The following CTNNA2 variants were observed in gnomAD, a reference collection of about 807,000 sequenced individuals.
CTNNA2 encodes catenin alpha-2.
In CTNNA2, 42 loss-of-function variants were observed where a neutral mutation model predicts 101.0. The observed-to-expected ratio is 0.42, with a 90% CI of 0.32 to 0.54. The LOEUF is 0.54. Among genes scored for constraint, CTNNA2 ranks in the 20% least tolerant of loss-of-function variants. The probability of loss-of-function intolerance (pLI) is 0.14; values close to 1 mark genes in which losing one functional copy is unlikely to be tolerated. For synonymous variants in CTNNA2, 450 were observed against 456.4 expected (o/e 0.99, Z 0.18); for missense variants, 871 against 1,223.1 (o/e 0.71, Z 4.29).
chr2:79,772,744 G>A (rs1227563787), intron 3 of CTNNA2, among the ~76,000 whole-genome samples: 2 of 152,034 alleles, frequency 1.3e-5, no homozygotes, highest in Non-Finnish European at 2.9e-5. Flanking sequence ...TAAAAAAAAT[G>A]TGTAGAGACA....
At chr2:79,339,184 T>G (rs1677074180) in intron 3 of CTNNA2, among the ~76,000 whole-genome samples, 1 of 152,022 alleles carries the variant, frequency 6.6e-6, no homozygotes, top group African/African-American at 2.4e-5. Flanking sequence ...ATAAAAAACA[T>G]GGATACAAAA....
chr2:79,425,372 G>T (rs1678582112), intron 4 of CTNNA2, among the ~76,000 whole-genome samples: 1 of 152,138 alleles, frequency 6.6e-6, no homozygotes, highest in Admixed American at 6.6e-5. Flanking sequence ...CATTTGTGCT[G>T]CTATAAGAAA....
chr2:80,457,279 G>A (rs934947628), intron 9 of CTNNA2, among the ~76,000 whole-genome samples: 3 of 151,984 alleles, frequency 2.0e-5, no homozygotes, highest in Non-Finnish European at 4.4e-5. Flanking sequence ...GGCAAGGCTG[G>A]TTTCAAACTC....
At chr2:80,537,744 C>T (rs1471921456) in intron 9 of CTNNA2, among the ~76,000 whole-genome samples, 1 of 152,118 alleles carries the variant, frequency 6.6e-6, no homozygotes, top group Non-Finnish European at 1.5e-5. Context: ...CAGGCATGTG[C>T]CACCACACCT....
chr2:79,954,431 G>A (rs1004197539), intron 7 of CTNNA2, among the ~76,000 whole-genome samples: 3 of 152,128 alleles, frequency 2.0e-5, no homozygotes, highest in African/African-American at 7.2e-5. Context: ...GTCTTCTCTT[G>A]TTTCACTCCT....
chr2:80,527,437 G>C (rs1380975511), intron 9 of CTNNA2, among the ~76,000 whole-genome samples: 1 of 152,172 alleles, frequency 6.6e-6, no homozygotes, highest in African/African-American at 2.4e-5. Flanking sequence ...CCGGGGTGAG[G>C]CCTGAGAATT....
intron 15 of CTNNA2, among the ~76,000 whole-genome samples, chr2:80,598,681 A>G (rs1174440738): frequency 1.3e-5 from 2 of 152,202 alleles, no homozygotes; most frequent in African/African-American, 2.4e-5. Context: ...ACTATGTTAC[A>G]TCTATGCCAC....
rs1684238591 is a variant in CTNNA2 at position 79,890,716 on chromosome 2, T to A, written c.852+16374T>A. Among the ~76,000 whole-genome samples the A allele has an allele frequency of 2.0e-5, 3 of 151,104 alleles. No individual in the cohort carries two copies. In the South Asian group the frequency reaches 6.5e-4, roughly 33 times the overall value. On this transcript the variant is annotated intron_variant, in intron 6 of 18. Coordinates refer to ENST00000402739, the MANE Select transcript of CTNNA2 (RefSeq NM_001282597.3). ...CAAGTACACAGCATATAAAATATGT[T>A]GTCTCAGTTTGTTTGGGCTTCTGTA... is the stretch of plus-strand genomic sequence containing the variant.
chr2:79,910,750 C>T (rs917516113), intron 7 of CTNNA2, among the ~76,000 whole-genome samples: 3 of 152,100 alleles, frequency 2.0e-5, no homozygotes, highest in African/African-American at 7.2e-5. Flanking sequence ...TAGAACACCC[C>T]GAGGCAATGC....
chr2:79,259,149 G>T (rs768131243), intron 2 of CTNNA2, among the ~76,000 whole-genome samples: 3 of 152,044 alleles, frequency 2.0e-5, no homozygotes, highest in Non-Finnish European at 4.4e-5. Flanking sequence ...GTATTTTATC[G>T]GCTATTTGTA....
At chr2:80,426,401 C>G (rs2149418118) in intron 9 of CTNNA2, among the ~76,000 whole-genome samples, 1 of 152,266 alleles carries the variant, frequency 6.6e-6, no homozygotes, top group East Asian at 1.9e-4. Context: ...TTTATTCCTT[C>G]CATTGCTTGC....
At chr2:79,744,703 C>A in intron 3 of CTNNA2, 121 bp downstream of exon 3, 1 of 916,304 alleles carries the variant, frequency 1.1e-6, no homozygotes, top group Non-Finnish European at 1.6e-6. Flanking sequence ...TCCTTTCTAT[C>A]TACACTTGTC....
intron 4 of CTNNA2, among the ~76,000 whole-genome samples, chr2:79,455,564 C>G (rs999525278): frequency 2.0e-5 from 3 of 152,128 alleles, no homozygotes; most frequent in African/African-American, 7.2e-5. Context: ...CTCCACTCTC[C>G]CTTGTTGTTG....
chr2:79,557,895 A>G (rs1674541035), intron 1 of CTNNA2, among the ~76,000 whole-genome samples: 1 of 151,984 alleles, frequency 6.6e-6, no homozygotes, highest in African/African-American at 2.4e-5. Flanking sequence ...GTTTAGTAGA[A>G]TTATCTGTTT....
At chr2:79,677,716 A>C (rs1171283796) in intron 2 of CTNNA2, among the ~76,000 whole-genome samples, 1 of 152,208 alleles carries the variant, frequency 6.6e-6, no homozygotes, top group Admixed American at 6.5e-5. Flanking sequence ...CACCCCCTAT[A>C]GGCCTTCTTT....
intron 7 of CTNNA2, among the ~76,000 whole-genome samples, chr2:80,051,003 G>GT (rs1390154697): frequency 6.6e-6 from 1 of 152,162 alleles, no homozygotes; most frequent in African/African-American, 2.4e-5. Flanking sequence ...TAAGATTACA[G>GT]GCGTGAGCCA....
chr2:80,631,717 T>G (rs899851678), intron 18 of CTNNA2, among the ~76,000 whole-genome samples: 1 of 152,126 alleles, frequency 6.6e-6, no homozygotes, highest in Non-Finnish European at 1.5e-5. Flanking sequence ...CATCTTTTAT[T>G]TAAAGGCAGT....
intron 7 of CTNNA2, among the ~76,000 whole-genome samples, chr2:80,313,863 A>G (rs1465961732): frequency 6.6e-6 from 1 of 152,240 alleles, no homozygotes; most frequent in African/African-American, 2.4e-5. Flanking sequence ...TATGTGGGCT[A>G]TGTTCACATT....
At chr2:80,107,223 G>A (rs1700942497) in intron 7 of CTNNA2, among the ~76,000 whole-genome samples, 1 of 152,104 alleles carries the variant, frequency 6.6e-6, no homozygotes, top group Non-Finnish European at 1.5e-5. Context: ...TCTGAATAAT[G>A]TCTTTTTTAC....
Sources: allele counts gnomAD v4.1 joint callset (sites outside exome capture counted in the v4.1 genomes callset), GRCh38; gene constraint gnomAD v4.1.1; transcripts MANE v1.5; gene names NCBI Gene and HGNC (gene_info 2026-07-23, HGNC 2026-07-21).